The following ZNF274 variants were observed in gnomAD, a reference collection of about 807,000 sequenced individuals.
ZNF274 encodes the protein neurotrophin receptor-interacting factor homolog.
ZNF274 carries 23 observed loss-of-function variants against 42.5 expected under a neutral mutation model. The observed-to-expected ratio is 0.54, with a 90% CI of 0.39 to 0.77. The LOEUF is 0.77. Ranked by LOEUF, ZNF274 falls within the 30% of genes least tolerant of loss-of-function variation. The pLI is 0.00. For synonymous variants in ZNF274, 292 were observed against 305.4 expected (o/e 0.96, Z 0.46); for missense variants, 679 against 806.5 (o/e 0.84, Z 1.91).
chr19:58,186,872 G>A (rs749905953), intron 3 of ZNF274, 75 bp from the exon 4 acceptor site: 38 of 1,296,288 alleles, frequency 2.9e-5, no homozygotes, highest in Non-Finnish European at 4.0e-5. Flanking sequence ...GCTGGAGACG[G>A]CTTGTGCTGC....
intron 4 of ZNF274, among the ~76,000 whole-genome samples, chr19:58,196,016 C>T (rs1375119987): frequency 6.6e-6 from 1 of 152,186 alleles, no homozygotes; most frequent in African/African-American, 2.4e-5. Flanking sequence ...CATTCATCCT[C>T]AGGAAAGCAC....
At chr19:58,202,775 T>C (rs1245820475) in intron 4 of ZNF274, among the ~76,000 whole-genome samples, 7 of 152,198 alleles carry the variant, frequency 4.6e-5, no homozygotes, top group Non-Finnish European at 1.0e-4. Flanking sequence ...CTTGGGATAG[T>C]CTATGGGTTG....
intron 4 of ZNF274, among the ~76,000 whole-genome samples, chr19:58,196,359 G>T (rs1319613243): frequency 1.3e-5 from 2 of 152,156 alleles, no homozygotes; most frequent in African/African-American, 4.8e-5. Context: ...TCAGGGGTTT[G>T]AGACCAACCT....
intron 4 of ZNF274, among the ~76,000 whole-genome samples, chr19:58,204,357 G>A (rs1171087357): frequency 1.3e-5 from 2 of 152,144 alleles, no homozygotes; most frequent in Non-Finnish European, 2.9e-5. Context: ...GGGGGGGCAG[G>A]GTTCGAGGCG....
chr19:58,186,927 G>A lies in ZNF274; in HGVS notation c.161-20G>A. ...CTGAACACAGACCCCCACAAGCCCT[G>A]TCTCTTTTCCTTTGAGCAGAACATC... On this transcript the variant is annotated intron_variant, in intron 3 of 7. Transcript: ENST00000617501. 1 of 1,609,442 alleles carries A rather than the reference G, an allele frequency of 6.2e-7. No homozygotes were observed. Among genetic ancestry groups the A allele is most frequent in the Non-Finnish European group, 8.5e-7 (1 of 1,177,152 alleles).
In ZNF274 at chr19:58,211,440, A is replaced by G. The variant is rs1006402529; in HGVS notation, c.853-120A>G. The G allele has an allele frequency of 3.8e-6, 5 of 1,329,070 alleles. No homozygotes were observed. In the African/African-American group the frequency reaches 6.0e-5, roughly 16 times the overall value. 82.3% of individuals were successfully genotyped at this position (1,329,070 alleles called of 1,614,324 possible). ...GTTGGTGTCTCTGAGCAAATCCCCA[A>G]AGCAGGAGAGTCCCTAGCACCGTGA... On this transcript the variant is annotated intron_variant, in intron 6 of 7. Transcript: ENST00000617501. This position sits in a 1 kb window ranked among gnomAD's most constrained non-coding sequence, Gnocchi z 4.8.
rs532412847 is a variant in ZNF274, at chr19:58,194,800, C to T, written c.256+7758C>T. On this transcript the variant is annotated intron_variant, in intron 4 of 7. Transcript: ENST00000617501. Reference sequence around the variant, plus strand: ...AGGCGGGTGGATCACCTGAGAAGTTCGAGACCATCCTGGCTAACACGGAAA... The same window carrying T: ...AGGCGGGTGGATCACCTGAGAAGTTTGAGACCATCCTGGCTAACACGGAAA... Among the ~76,000 whole-genome samples, 188 of 152,002 alleles carry T rather than the reference C, an allele frequency of 1.2e-3. 1 individual carries two copies. The highest frequency in any genetic ancestry group is 4.2e-3 in the African/African-American group (173 of 41,458).
intron 4 of ZNF274, among the ~76,000 whole-genome samples, chr19:58,192,667 A>C (rs547008018): frequency 6.6e-6 from 1 of 152,228 alleles, no homozygotes; most frequent in Non-Finnish European, 1.5e-5. Flanking sequence ...AATGCTGTGT[A>C]AGTAGTTGTT....
chr19:58,209,758 C>T (rs972229997), intron 5 of ZNF274: 8 of 505,772 alleles, frequency 1.6e-5, no homozygotes, highest in African/African-American at 7.8e-5. Flanking sequence ...TGAGCCATCC[C>T]GGGCCCATCC....
Position 58,185,842 on chromosome 19 carries a change from A to T in ZNF274, c.160+4A>T. 1 of 1,366,706 alleles carries T rather than the reference A, an allele frequency of 7.3e-7. No homozygotes were observed. Among genetic ancestry groups the T allele is most frequent in the Non-Finnish European group, 9.5e-7 (1 of 1,048,752 alleles). 84.7% of individuals were successfully genotyped at this position (1,366,706 alleles called of 1,614,324 possible). A position where few individuals can be genotyped will look rare whatever the true frequency, so the allele number is the denominator to read the frequency against. On this transcript the variant is annotated splice_donor_region_variant and intron_variant, in intron 3 of 7. Transcript: ENST00000617501. The stretch of plus-strand genomic sequence containing the variant: ...TACAGGAACCTGGTCTCAGTGGGTA[A>T]GGCTGGCCTCCAGGTCAAGAAGGAT...
chr19:58,184,987 G>C (rs2075679457), intron 2 of ZNF274: 1 of 151,948 alleles, frequency 6.6e-6, no homozygotes, highest in Admixed American at 6.6e-5. Context: ...GGGCGTGGTG[G>C]CGGGCGCCTG....
intron 4 of ZNF274, among the ~76,000 whole-genome samples, chr19:58,201,696 T>C (rs1432511200): frequency 6.6e-6 from 1 of 151,860 alleles, no homozygotes; most frequent in Non-Finnish European, 1.5e-5. Flanking sequence ...TTTGTGTTTT[T>C]AGTAGAGACG....
At chr19:58,190,678 G>C (rs1178873022) in intron 4 of ZNF274, among the ~76,000 whole-genome samples, 2 of 152,140 alleles carry the variant, frequency 1.3e-5, no homozygotes, top group African/African-American at 4.8e-5. Flanking sequence ...ATTTTTAAAG[G>C]GTTTTTGTGT....
At chr19:58,203,344 G>A (rs1453454618) in intron 4 of ZNF274, among the ~76,000 whole-genome samples, 7 of 152,188 alleles carry the variant, frequency 4.6e-5, no homozygotes, top group African/African-American at 1.4e-4. Flanking sequence ...AGCACTTTGG[G>A]AGGCCGAGAT....
In ZNF274 at chr19:58,206,957, G is replaced by A. The variant is rs1301602577; in HGVS notation, c.494G>A (p.Arg165Gln). ...GDPEAARQRF[R>Q]QFRYKDMTGP... ...CCTGAGGCCGCGCGCCAGAGGTTCCGGCAGTTCCGTTATAAGGACATGACA... is the reference window on the plus strand; with the variant it reads ...CCTGAGGCCGCGCGCCAGAGGTTCCAGCAGTTCCGTTATAAGGACATGACA... The change falls in exon 5 of 8, where the codon CGG becomes CAG. Residue 165 changes from arginine to glutamine, a missense_variant. Physicochemically the swap from Arg to Gln is conservative, Grantham distance 43. This residue lies in a region of ZNF274 where 223 missense variants were observed against 216.4 expected (regional missense o/e 1.03). Transcript: ENST00000617501. 2.5e-6 allele frequency: 4 copies of A among 1,610,254 alleles called. No homozygotes were observed. Among genetic ancestry groups the A allele is most frequent in the South Asian group, 1.1e-5 (1 of 90,502 alleles).
intron 4 of ZNF274, among the ~76,000 whole-genome samples, chr19:58,193,167 GAC>G (rs2146206819): frequency 6.9e-6 from 1 of 145,872 alleles, no homozygotes; most frequent in South Asian, 2.2e-4. Context: ...TTTTTTTTGA[GAC>G]ACAGTCTCGC....
chr19:58,208,729 C>G lies in ZNF274; in HGVS notation c.740-1232C>G, dbSNP rs946409652. 1.3e-5 allele frequency: 2 copies of G among 152,232 alleles called. No individual in the cohort carries two copies. Among genetic ancestry groups the G allele is most frequent in the Non-Finnish European group, 2.9e-5 (2 of 68,060 alleles). 9.4% of individuals were successfully genotyped at this position (152,232 alleles called of 1,614,324 possible). A position where few individuals can be genotyped will look rare whatever the true frequency, so the allele number is the denominator to read the frequency against. ...GTGAGGCACAAACCAGACTTCTCAT[C>G]TCCAGAACCATAAGGTAATACATTT... On this transcript the variant is annotated intron_variant, in intron 5 of 7. Coordinates refer to ENST00000617501, the MANE Select transcript of ZNF274 (RefSeq NM_133502.3). The surrounding 1 kb of genome is among the most constrained non-coding windows in gnomAD (Gnocchi z 4.5).
intron 4 of ZNF274, 32 bp downstream of exon 4, chr19:58,187,074 G>A (rs2075709238): frequency 6.4e-7 from 1 of 1,570,460 alleles, no homozygotes; most frequent in Non-Finnish European, 8.7e-7. Context: ...CCCCCACAGG[G>A]AAGGGGCCAA....
At chr19:58,204,616 C>T (rs2075960168) in intron 4 of ZNF274, among the ~76,000 whole-genome samples, 1 of 152,126 alleles carries the variant, frequency 6.6e-6, no homozygotes, top group Non-Finnish European at 1.5e-5. Context: ...AGCTATTGCA[C>T]ACTAGTAATT....
Sources: gnomAD v4.1 joint callset for allele counts (sites outside exome capture counted in the v4.1 genomes callset) on GRCh38, gnomAD v4.1.1 for gene constraint, gnomAD v4.1.1 regional missense constraint, Gnocchi (gnomAD v3.1) non-coding constraint, MANE v1.5 for transcripts, NCBI Gene and HGNC (gene_info 2026-07-23, HGNC 2026-07-21) for gene names.